Variants in SOD2 observed in about 807,000 individuals in gnomAD.
SOD2 encodes the protein superoxide dismutase [Mn], mitochondrial.
A neutral mutation model predicts 27.0 loss-of-function variants in SOD2; 11 were observed. The observed-to-expected ratio is 0.41, with a 90% confidence interval of 0.26 to 0.67. SOD2 has a LOEUF of 0.67. Among genes scored for constraint, SOD2 ranks in the 30% least tolerant of loss-of-function variants. The pLI is 0.34. For missense variants in SOD2, 250 were observed against 274.5 expected, an observed-to-expected ratio of 0.91 and a Z score of 0.63; for synonymous variants, 105 against 103.0, an observed-to-expected ratio of 1.02 and a Z score of -0.12.
chr6:159,740,181 T>C (rs191717335), intron 1 of SOD2, among the ~76,000 whole-genome samples: 17 of 152,188 alleles, frequency 1.1e-4, no homozygotes, highest in Non-Finnish European at 2.4e-4. Flanking sequence ...CATTGTATAC[T>C]TTTTTTAATG....
intron 1 of SOD2, chr6:159,726,766 A>G (rs1778187974): frequency 1.6e-6 from 2 of 1,288,622 alleles, no homozygotes; most frequent in Non-Finnish European, 2.0e-6. Context: ...CAGAGATGTC[A>G]AGGAGGAACG....
chr6:159,731,741 C>T (rs1778583019), upstream of SOD2, among the ~76,000 whole-genome samples: 1 of 152,030 alleles, frequency 6.6e-6, no homozygotes, highest in African/African-American at 2.4e-5. Context: ...AGTATTTGGG[C>T]CCTGGTTGTG....
At chr6:159,712,314 C>G (rs1304482388) in intron 1 of SOD2, among the ~76,000 whole-genome samples, 3 of 149,162 alleles carry the variant, frequency 2.0e-5, no homozygotes, top group Non-Finnish European at 1.5e-5. Context: ...ATAACCACCA[C>G]TCACACTGCT....
At chr6:159,691,543 A>T (rs1411031382) in intron 2 of SOD2, 2 of 152,244 alleles carry the variant, frequency 1.3e-5, no homozygotes, top group African/African-American at 4.8e-5. Context: ...CTTACCAAGC[A>T]ATACAGAGAG....
At chr6:159,713,629 G>T in intron 1 of SOD2, 1 of 1,025,672 alleles carries the variant, frequency 9.7e-7, no homozygotes, top group Non-Finnish European at 1.5e-6. Context: ...CTCTTCCTTG[G>T]ACAGCCAAAT....
intron 1 of SOD2, chr6:159,753,618 AG>A (rs745901440): frequency 6.3e-7 from 1 of 1,598,748 alleles, no homozygotes; most frequent in African/African-American, 1.3e-5. Context: ...CAGGATGGTA[AG>A]GGGTTTGTTT....
At chr6:159,749,725 T>A (rs1779754157), upstream of SOD2, among the ~76,000 whole-genome samples, 1 of 152,242 alleles carries the variant, frequency 6.6e-6, no homozygotes, top group Non-Finnish European at 1.5e-5. Flanking sequence ...AACTGTGGGC[T>A]GGCCTAAGTA....
intron 1 of SOD2, among the ~76,000 whole-genome samples, chr6:159,698,854 G>C (rs1245309370): frequency 6.8e-6 from 1 of 147,544 alleles, no homozygotes; most frequent in African/African-American, 2.5e-5. Context: ...TTAAGCAGAA[G>C]TGGATCATCA....
chr6:159,720,264 T>G (rs1415891343), intron 1 of SOD2, among the ~76,000 whole-genome samples: 1 of 152,136 alleles, frequency 6.6e-6, no homozygotes, highest in Non-Finnish European at 1.5e-5. Flanking sequence ...TTGGCCAGGC[T>G]GGTCACGAAT....
chr6:159,732,886 AGTGTGTGT>A (rs67554039), intron 1 of SOD2, among the ~76,000 whole-genome samples: 108 of 146,488 alleles, frequency 7.4e-4, no homozygotes, highest in African/African-American at 2.2e-3. Flanking sequence ...ATATATATAT[AGTGTGTGT>A]GTGTGTGTGT....
At chr6:159,708,598 C>A (rs954668148) in intron 1 of SOD2, among the ~76,000 whole-genome samples, 1 of 152,110 alleles carries the variant, frequency 6.6e-6, no homozygotes. Context: ...AACTACAAAC[C>A]ACTGCTCAAC....
At chr6:159,710,964 T>A (rs71551145) in intron 1 of SOD2, among the ~76,000 whole-genome samples, 3,184 of 52,460 alleles carry the variant, frequency 0.061, 30 homozygotes, top group Middle Eastern at 0.094. Context: ...TGCTCTGACC[T>A]CCATAACCAC....
intron 1 of SOD2, among the ~76,000 whole-genome samples, chr6:159,757,230 T>C (rs1406823395): frequency 9.2e-5 from 14 of 152,202 alleles, no homozygotes; most frequent in Admixed American, 7.2e-4. Flanking sequence ...AGTATTGTTT[T>C]AGACATAACT....
At chr6:159,755,397 G>C (rs777068927) in intron 1 of SOD2, 2 of 1,614,110 alleles carry the variant, frequency 1.2e-6, no homozygotes, top group Non-Finnish European at 1.7e-6. Context: ...AGAGGAGGTA[G>C]TGGTTACGTA....
chr6:159,747,420 G>A (rs1779637368), upstream of SOD2, among the ~76,000 whole-genome samples: 2 of 152,158 alleles, frequency 1.3e-5, no homozygotes, highest in South Asian at 4.1e-4. Context: ...AAGCAGTTTG[G>A]ATTAGGTGAG....
At chr6:159,717,913 G>A (rs1173648594) in intron 1 of SOD2, among the ~76,000 whole-genome samples, 1 of 151,824 alleles carries the variant, frequency 6.6e-6, no homozygotes, top group East Asian at 1.9e-4. Context: ...GTGTGTGTGT[G>A]TGTGTGTGTG....
At chr6:159,760,989 AT>A (rs1036452438) in intron 1 of SOD2, 3 of 152,182 alleles carry the variant, frequency 2.0e-5, no homozygotes, top group African/African-American at 4.8e-5. Flanking sequence ...CTGTTATGCA[AT>A]TTTTTTCCTT....
intron 1 of SOD2, among the ~76,000 whole-genome samples, chr6:159,732,886 AGTG>A (rs1255729028): frequency 1.4e-4 from 20 of 146,488 alleles, no homozygotes; most frequent in African/African-American, 4.7e-4. Flanking sequence ...ATATATATAT[AGTG>A]TGTGTGTGTG....
At chr6:159,704,668 C>G (rs1777588197) in intron 1 of SOD2, among the ~76,000 whole-genome samples, 1 of 152,244 alleles carries the variant, frequency 6.6e-6, no homozygotes, top group African/African-American at 2.4e-5. Context: ...TCAAGGAGGC[C>G]TGCCTGCCTC....
Sources: gnomAD v4.1 joint callset for allele counts (sites outside exome capture counted in the v4.1 genomes callset) on GRCh38, gnomAD v4.1.1 for gene constraint, MANE v1.5 for transcripts, NCBI Gene and HGNC (gene_info 2026-07-23, HGNC 2026-07-21) for gene names.